CEMIP2: variants seen among roughly 807,000 people sequenced by gnomAD.
CEMIP2 encodes cell migration inducing hyaluronidase 2, also known as cell surface hyaluronidase CEMIP2.
CEMIP2 carries 79 observed loss-of-function variants against 146.9 expected under a neutral mutation model. The observed-to-expected ratio is 0.54, with a 90% CI of 0.45 to 0.65. The LOEUF is 0.65. Ranked by LOEUF, CEMIP2 falls within the 30% of genes least tolerant of loss-of-function variation. CEMIP2 has a pLI of 0.00. For synonymous variants in CEMIP2, 601 were observed against 606.3 expected, an observed-to-expected ratio of 0.99 and a Z score of 0.13; for missense variants, 1,596 against 1,696.2, an observed-to-expected ratio of 0.94 and a Z score of 1.04.
chr9:71,740,662 T>C (rs1231048472), intron 4 of CEMIP2, among the ~76,000 whole-genome samples: 1 of 152,182 alleles, frequency 6.6e-6, no homozygotes, highest in African/African-American at 2.4e-5. Context: ...GAAAAATATA[T>C]CAATGCACAG....
At chr9:71,728,960 C>T (rs1347294535) in intron 10 of CEMIP2, among the ~76,000 whole-genome samples, 1 of 151,710 alleles carries the variant, frequency 6.6e-6, no homozygotes, top group East Asian at 2.0e-4. Context: ...CCTCCCAAGT[C>T]GCTGGGACAA....
Position 71,690,100 on chromosome 9 carries a change from G to C in CEMIP2, c.3843C>G (p.Ile1281Met). The stretch of plus-strand genomic sequence containing the variant: ...GCACAAGCTTGACCTACCTTGGAGG[G>C]ATGCCTGTTTTTAAATACTCTTCAA... The part of the protein sequence containing the change: ...SRIEEYLKTG[I>M]PPRSIVLLST... Residue 1281 changes from isoleucine (I) to methionine (M), a missense_variant, in exon 22 of 24, where the codon ATC becomes ATG. Coordinates refer to ENST00000377044, the MANE Select transcript of CEMIP2 (RefSeq NM_013390.3). 6.2e-7 allele frequency: 1 copy of C among 1,614,118 alleles called. No homozygotes were observed. Among genetic ancestry groups the C allele is most frequent in the East Asian group, 2.2e-5 (1 of 44,870 alleles).
At position 71,716,907 on chromosome 9, in the gene CEMIP2, C is replaced by T. The variant is rs139155603; in HGVS notation, c.2400-355G>A. On this transcript the variant is annotated intron_variant, in intron 13 of 23. Coordinates refer to ENST00000377044, the MANE Select transcript of CEMIP2 (RefSeq NM_013390.3). ...CTAGTGTTGGCAAGGTATGGTGGCT[C>T]ATGCCTGTAATCCCAACACTTTGGG... Among the ~76,000 whole-genome samples the T allele has an allele frequency of 6.8e-3, 1,032 of 152,304 alleles. 6 individuals carry two copies. The highest frequency in any genetic ancestry group is 0.024 in the African/African-American group (985 of 41,558).
At position 71,709,447 on chromosome 9, in the gene CEMIP2, G is replaced by A; in HGVS notation, c.2797C>T (p.Pro933Ser). Residue 933 changes from proline (P) to serine (S), a missense_variant, in exon 17 of 24, where the codon CCT becomes TCT. Physicochemically the swap from Pro to Ser is moderately conservative, Grantham distance 74 (BLOSUM62 -1). Transcript: ENST00000377044. Reference protein sequence around the residue: ...HVSLNVFFGKPGPWFEDCEMD... With the variant: ...HVSLNVFFGKSGPWFEDCEMD... ...TCACAATCTTCAAACCAGGGACCAGGCTTTCCAAAAAAGACATTCAGAGAG... is the reference window on the plus strand; with the variant it reads ...TCACAATCTTCAAACCAGGGACCAGACTTTCCAAAAAAGACATTCAGAGAG... 6.2e-7 allele frequency: 1 copy of A among 1,614,096 alleles called. No homozygotes were observed. The highest frequency in any genetic ancestry group is 8.5e-7 in the Non-Finnish European group (1 of 1,180,004).
At position 71,685,192 on chromosome 9, in the gene CEMIP2, A is replaced by G; in HGVS notation, c.*5T>C. 6.3e-7 allele frequency: 1 copy of G among 1,584,562 alleles called. No individual in the cohort carries two copies. The highest frequency in any genetic ancestry group is 8.6e-7 in the Non-Finnish European group (1 of 1,164,746). ...TTCCCCCAGCACTTAAGTTACAGTT[A>G]GTCTCTAATGTGCTTTTGAAGCTTG... is the stretch of plus-strand genomic sequence containing the variant. On this transcript the variant is annotated 3_prime_UTR_variant, in exon 24 of 24. Coordinates refer to ENST00000377044, the MANE Select transcript of CEMIP2 (RefSeq NM_013390.3).
intron 14 of CEMIP2, among the ~76,000 whole-genome samples, 155 bp from the exon 15 acceptor site, chr9:71,715,244 T>A (rs2131918529): frequency 6.8e-6 from 1 of 146,810 alleles, no homozygotes; most frequent in Non-Finnish European, 1.5e-5. Context: ...CTGCTTTTTT[T>A]TTTTTTTTTT....
At chr9:71,750,866 C>T (rs1337804453) in intron 1 of CEMIP2, among the ~76,000 whole-genome samples, 2 of 152,254 alleles carry the variant, frequency 1.3e-5, no homozygotes, top group South Asian at 2.1e-4. Context: ...CCTGCCTGAG[C>T]CTCCCGGGTA....
Position 71,720,343 on chromosome 9 carries a change from C to T in CEMIP2, c.2267+2084G>A, listed in dbSNP as rs573249245. Among the ~76,000 whole-genome samples, 31 of 152,194 alleles carry T rather than the reference C, an allele frequency of 2.0e-4. No individual in the cohort carries two copies. The South Asian group carries it at 5.0e-3, about 24-fold the overall frequency. ...TCTTGCCTTTTTGCTCAGGCTAGAG[C>T]GCAGTGGCATGTTCTCAGCTCACTG... is the stretch of plus-strand genomic sequence containing the variant. On this transcript the variant is annotated intron_variant, in intron 12 of 23. Transcript: ENST00000377044.
At chr9:71,764,991 G>A (rs1824747311) in intron 1 of CEMIP2, among the ~76,000 whole-genome samples, 2 of 151,890 alleles carry the variant, frequency 1.3e-5, no homozygotes, top group Admixed American at 6.6e-5. Flanking sequence ...CTTGGCTTGG[G>A]AGGCAGAGGG....
chr9:71,704,661 C>T lies in CEMIP2; in HGVS notation c.3128G>A (p.Gly1043Asp), dbSNP rs778291603. 1 of 1,614,078 alleles carries T rather than the reference C, an allele frequency of 6.2e-7. No individual in the cohort carries two copies. Among genetic ancestry groups the T allele is most frequent in the Non-Finnish European group, 8.5e-7 (1 of 1,180,022 alleles). ...CGGCCCATTCCAGTGGATGGTATAA[C>T]CCTTCTCCAGCATGACGACAGGCTG... is the stretch of plus-strand genomic sequence containing the variant. The part of the protein sequence containing the change: ...QYQPVVMLEK[G>D]YTIHWNGPAP... Residue 1043 changes from glycine to aspartate, a missense_variant, in exon 18 of 24, where the codon GGT (glycine) becomes GAT (aspartate). Gly to Asp is a moderately conservative substitution (Grantham distance 94). Transcript: ENST00000377044.
In CEMIP2 at chr9:71,725,616, T is replaced by C; in HGVS notation, c.2143A>G (p.Ile715Val). The change falls in exon 11 of 24, where the codon ATA (isoleucine) becomes GTA (valine). Residue 715 changes from isoleucine (I) to valine (V), a missense_variant. Transcript: ENST00000377044. ...GAATGGACCCTGTTGTTATAAAATA[T>C]ACCCAATGGAGTGAGTTCTGGTTTT... ...LAKPELTPLG[I>V]FYNNRVHSNF... 5 of 1,614,054 alleles carry C rather than the reference T, an allele frequency of 3.1e-6. No individual in the cohort carries two copies. The highest frequency in any genetic ancestry group is 1.1e-5 in the South Asian group (1 of 91,076).
rs1031912775 is a variant in CEMIP2 at position 71,694,455 on chromosome 9, G to A, written c.3696+54C>T. On this transcript the variant is annotated intron_variant, in intron 21 of 23. Coordinates refer to ENST00000377044, the MANE Select transcript of CEMIP2 (RefSeq NM_013390.3). ...GTTGTTTATAAGCTACCTAGTTTAT[G>A]GCATTTTGTTATACCACCTAGAACA... 9 of 1,412,066 alleles carry A rather than the reference G, an allele frequency of 6.4e-6. No individual in the cohort carries two copies. In the African/African-American group the frequency reaches 1.3e-4, roughly 20 times the overall value. The allele number at this position is 1,412,066 out of a possible 1,614,324, so 87.5% of individuals were successfully genotyped here.
chr9:71,744,988 G>C (rs1824033748), intron 4 of CEMIP2, 30 bp downstream of exon 4: 1 of 1,593,394 alleles, frequency 6.3e-7, no homozygotes, highest in Admixed American at 1.7e-5. Flanking sequence ...CACGGACTCT[G>C]ATAGGGATCT....
chr9:71,712,191 T>G lies in CEMIP2; in HGVS notation c.2661A>C (p.Lys887Asn). 6.2e-7 allele frequency: 1 copy of G among 1,614,174 alleles called. No individual in the cohort carries two copies. Among genetic ancestry groups the G allele is most frequent in the Admixed American group, 1.7e-5 (1 of 60,026 alleles). Residue 887 changes from lysine (K) to asparagine (N), a missense_variant, in exon 16 of 24, where the codon AAA becomes AAC. Physicochemically the swap from Lys to Asn is moderately conservative, Grantham distance 94. Transcript: ENST00000377044. The part of the protein sequence containing the change: ...PIHLTRSTFK[K>N]YVPTPDRYSS... ...TGTACCTATCTGGAGTTGGCACATA[T>G]TTTTTGAAAGTGCTCCTTGTGAGAT...
rs1399271610 is a variant in CEMIP2, at chr9:71,730,103, T to G, written c.1924A>C (p.Thr642Pro). ...PTDRNNSMCT[T>P]MRDKVFGNYI... ...TTTCCAAACACTTTATCTCGCATGGTGGTACACATGGAGTTGTTCCTATCG... is the reference window on the plus strand; with the variant it reads ...TTTCCAAACACTTTATCTCGCATGGGGGTACACATGGAGTTGTTCCTATCG... The change falls in exon 9 of 24, where the codon ACC (threonine) becomes CCC (proline). Residue 642 changes from threonine (T) to proline (P), a missense_variant. By Grantham distance (38) the Thr-to-Pro change is conservative. Coordinates refer to ENST00000377044, the MANE Select transcript of CEMIP2 (RefSeq NM_013390.3). The G allele has an allele frequency of 3.1e-6, 5 of 1,614,040 alleles. No homozygotes were observed. The highest frequency in any genetic ancestry group is 4.2e-6 in the Non-Finnish European group (5 of 1,180,046).
At chr9:71,734,728 G>C in intron 6 of CEMIP2, 78 bp downstream of exon 6, 2 of 1,365,118 alleles carry the variant, frequency 1.5e-6, no homozygotes, top group Admixed American at 2.1e-5. Flanking sequence ...GGTAGTGACT[G>C]AGAGGAAAAA....
chr9:71,745,371 G>A lies in CEMIP2; in HGVS notation c.681C>T (p.Gly227=). Residue 227 remains glycine (G), a synonymous_variant, in exon 4 of 24, where the codon GGC becomes GGT. Transcript: ENST00000377044. ...GTGCCCCATGTAACTCCAGTGTCCC[G>A]CCAGCTTCCACACCAATAAACTTTT... The part of the protein sequence containing the change: ...FGKKFIGVEA[G]GTLELHGARK... 2 of 1,613,960 alleles carry A rather than the reference G, an allele frequency of 1.2e-6. No individual in the cohort carries two copies. The highest frequency in any genetic ancestry group is 1.7e-6 in the Non-Finnish European group (2 of 1,179,940).
intron 1 of CEMIP2, among the ~76,000 whole-genome samples, chr9:71,751,709 T>C (rs562991928): frequency 6.6e-6 from 1 of 152,334 alleles, no homozygotes; most frequent in Admixed American, 6.5e-5. Flanking sequence ...TGAGTATCAT[T>C]ATTCTAAGCT....
rs33987875 is a variant in CEMIP2 at position 71,728,815 on chromosome 9, TTGTGTGTGTG to T, written c.2049+1020_2049+1029del. On this transcript the variant is annotated intron_variant, in intron 10 of 23. Coordinates refer to ENST00000377044, the MANE Select transcript of CEMIP2 (RefSeq NM_013390.3). ...AGCTAAGGTCTTTTTTGTGGGGTTT[TTGTGTGTGTG>T]TGTGTGTGTGTGTGTGTTTTTATTG... Among the ~76,000 whole-genome samples the T allele has an allele frequency of 4.3e-4, 64 of 148,312 alleles. 1 individual carries two copies. Among genetic ancestry groups the T allele is most frequent in the Admixed American group, 3.2e-3 (48 of 14,898 alleles).
Sources: gnomAD v4.1 joint callset for allele counts (sites outside exome capture counted in the v4.1 genomes callset) on GRCh38, gnomAD v4.1.1 for gene constraint, MANE v1.5 for transcripts, NCBI Gene and HGNC (gene_info 2026-07-23, HGNC 2026-07-21) for gene names.